SKIC8: variants seen among roughly 807,000 people sequenced by gnomAD.
SKIC8 encodes the protein superkiller complex protein 8.
At chr15:78,292,839 C>T in the SKIC8 span, 19 of 1,599,236 alleles carry the variant, frequency 1.2e-5, no homozygotes, top group Non-Finnish European at 1.6e-5. Context: ...CACACTTTAC[C>T]TGGCATCTGA....
the SKIC8 span, chr15:78,288,146 G>T: frequency 1.1e-5 from 8 of 732,078 alleles, no homozygotes; most frequent in African/African-American, 1.4e-4. Flanking sequence ...GGCGCTGAAC[G>T]GGGGAGGACC....
the SKIC8 span, chr15:78,295,272 T>G: frequency 3.6e-6 from 2 of 556,160 alleles, no homozygotes; most frequent in Admixed American, 6.5e-5. Flanking sequence ...CCAAGGAAGC[T>G]CAAAGTCCAG....
At chr15:78,295,594 G>C in the SKIC8 span, 3 of 1,591,918 alleles carry the variant, frequency 1.9e-6, no homozygotes, top group Non-Finnish European at 2.6e-6. Context: ...CTAGTTTCTT[G>C]ACTACACATC....
At chr15:78,298,123 G>C in the SKIC8 span, among the ~76,000 whole-genome samples, 2 of 152,072 alleles carry the variant, frequency 1.3e-5, no homozygotes, top group African/African-American at 2.4e-5. Context: ...AGCCAGTTTG[G>C]CTAATGGGAA....
chr15:78,283,591 T>G, the SKIC8 span: 2 of 1,217,782 alleles, frequency 1.6e-6, no homozygotes, highest in Non-Finnish European at 2.3e-6. Flanking sequence ...ATGAACATCC[T>G]TATTTTCTCG....
chr15:78,297,684 A>C, the SKIC8 span, among the ~76,000 whole-genome samples: 1 of 152,228 alleles, frequency 6.6e-6, no homozygotes, highest in East Asian at 1.9e-4. Flanking sequence ...GCTAAATTTC[A>C]GTTGGAGGTT....
the SKIC8 span, among the ~76,000 whole-genome samples, chr15:78,291,566 T>C: frequency 6.6e-6 from 1 of 152,176 alleles, no homozygotes; most frequent in Non-Finnish European, 1.5e-5. Context: ...TGGGCAGGCA[T>C]ATTCTTAAAA....
chr15:78,290,711 T>C, the SKIC8 span: 1 of 152,348 alleles, frequency 6.6e-6, no homozygotes, highest in African/African-American at 2.4e-5. Context: ...ATGCTTGCTT[T>C]TGTTACTGGA....
chr15:78,289,040 C>T, the SKIC8 span: 19 of 355,912 alleles, frequency 5.3e-5, no homozygotes, highest in Non-Finnish European at 8.7e-5. Flanking sequence ...TGATAGATTA[C>T]GATATAATAA....
chr15:78,295,975 T>G, the SKIC8 span: 2 of 364,380 alleles, frequency 5.5e-6, no homozygotes, highest in Non-Finnish European at 9.8e-6. Flanking sequence ...CAAGTGTGAC[T>G]GCAGAGAGCG....
the SKIC8 span, chr15:78,284,155 T>C: frequency 6.6e-6 from 1 of 152,206 alleles, no homozygotes; most frequent in Non-Finnish European, 1.5e-5. Flanking sequence ...TATTAGGAGG[T>C]GATTCTGGGT....
chr15:78,286,567 G>C, the SKIC8 span: 1 of 162,746 alleles, frequency 6.1e-6, no homozygotes, highest in African/African-American at 2.4e-5. Flanking sequence ...TCCAAGGAAA[G>C]TGTCAAGATG....
chr15:78,285,768 A>G, the SKIC8 span: 1 of 456,000 alleles, frequency 2.2e-6, no homozygotes, highest in Non-Finnish European at 3.9e-6. Flanking sequence ...TTAAGTTACC[A>G]TTGGAACACA....
At chr15:78,299,308 T>C in the SKIC8 span, 1 of 152,264 alleles carries the variant, frequency 6.6e-6, no homozygotes, top group African/African-American at 2.4e-5. Context: ...ATCTCGATAC[T>C]GCCCAGAACA....
chr15:78,293,702 TAAAAG>T, the SKIC8 span, among the ~76,000 whole-genome samples: 3 of 152,202 alleles, frequency 2.0e-5, no homozygotes, highest in Non-Finnish European at 2.9e-5. Flanking sequence ...AGTATAGATC[TAAAAG>T]AAAATACCTA....
the SKIC8 span, chr15:78,295,401 C>CTTTTTTTTT: frequency 2.5e-6 from 1 of 393,862 alleles, no homozygotes; most frequent in African/African-American, 2.5e-5. Flanking sequence ...CTATTCTGAT[C>CTTTTTTTTT]TTTTTTTTTT....
At chr15:78,293,378 C>T in the SKIC8 span, 5 of 1,150,164 alleles carry the variant, frequency 4.3e-6, no homozygotes, top group Non-Finnish European at 6.3e-6. Flanking sequence ...ATTTGCTTTA[C>T]TATTTTACAA....
the SKIC8 span, chr15:78,294,826 T>C: frequency 1.8e-4 from 199 of 1,136,614 alleles, 3 homozygotes; most frequent in African/African-American, 2.7e-3. Context: ...CAGCTGCCAA[T>C]TCTTCTGCAA....
At chr15:78,287,320 T>G in the SKIC8 span, among the ~76,000 whole-genome samples, 1 of 79,018 alleles carries the variant, frequency 1.3e-5, no homozygotes, top group African/African-American at 4.3e-5. Flanking sequence ...GCACCCTCAC[T>G]CAGTTACAGT....
Sources: allele counts gnomAD v4.1 joint callset (sites outside exome capture counted in the v4.1 genomes callset), GRCh38; gene constraint gnomAD v4.1.1; transcripts MANE v1.5; gene names NCBI Gene and HGNC (gene_info 2026-07-23, HGNC 2026-07-21).